The following TSHZ2 variants were observed in gnomAD, a reference collection of about 807,000 sequenced individuals.
TSHZ2 encodes the protein teashirt zinc finger homeobox 2.
Under a neutral mutation model 74.4 loss-of-function variants are expected in TSHZ2, and 21 were observed. That is an observed-to-expected ratio of 0.28 (90% CI 0.20 to 0.41). The LOEUF is 0.41. TSHZ2 is among the 10% of genes least tolerant of loss of function. The pLI, the probability that TSHZ2 is intolerant of heterozygous loss-of-function variation, is 1.00. For synonymous variants in TSHZ2, 540 were observed against 515.3 expected, an observed-to-expected ratio of 1.05 and a Z score of -0.65; for missense variants, 1,244 against 1,293.5, an observed-to-expected ratio of 0.96 and a Z score of 0.59.
At chr20:53,196,366 T>TAAAAAAAAAAAAAAA (rs34385917) in intron 1 of TSHZ2, 2 of 109,690 alleles carry the variant, frequency 1.8e-5, no homozygotes, top group African/African-American at 6.2e-5. Flanking sequence ...AATCTGCTGC[T>TAAAAAAAAAAAAAAA]AAAAAAAAAA....
At chr20:53,227,741 G>A (rs778477129) in intron 1 of TSHZ2, among the ~76,000 whole-genome samples, 71 of 152,158 alleles carry the variant, frequency 4.7e-4, no homozygotes, top group Non-Finnish European at 4.1e-4. Context: ...CCTTGCTTTC[G>A]TGGCTTGCTC....
At chr20:53,062,234 T>C (rs550924245) in intron 1 of TSHZ2, among the ~76,000 whole-genome samples, 122 of 152,314 alleles carry the variant, frequency 8.0e-4, no homozygotes, top group Non-Finnish European at 1.3e-3. Context: ...TACAGGGCTA[T>C]TATGAGGATA....
chr20:53,051,361 T>C (rs556132024), intron 1 of TSHZ2, among the ~76,000 whole-genome samples: 1 of 152,066 alleles, frequency 6.6e-6, no homozygotes, highest in South Asian at 2.1e-4. Context: ...ATTGTACCAC[T>C]TGTATTCAGA....
chr20:53,038,917 A>G (rs60200105), intron 1 of TSHZ2, among the ~76,000 whole-genome samples: 12,631 of 100,304 alleles, frequency 0.13, 714 homozygotes, highest in African/African-American at 0.28. Flanking sequence ...TGTTTTTGAG[A>G]TGGAGTTTCA....
chr20:53,102,602 C>T (rs1185345651), intron 1 of TSHZ2, among the ~76,000 whole-genome samples: 6 of 152,102 alleles, frequency 3.9e-5, no homozygotes, highest in Non-Finnish European at 2.9e-5. Context: ...AAAACTCAAA[C>T]GGTGTCCATA....
At chr20:53,422,293 G>A (rs1983503812) in intron 2 of TSHZ2, among the ~76,000 whole-genome samples, 1 of 152,054 alleles carries the variant, frequency 6.6e-6, no homozygotes, top group South Asian at 2.1e-4. Flanking sequence ...GACAGTTCTT[G>A]GAAATGAACG....
chr20:53,215,995 GTC>G (rs1989426805), intron 1 of TSHZ2, among the ~76,000 whole-genome samples: 1 of 151,978 alleles, frequency 6.6e-6, no homozygotes, highest in Admixed American at 6.6e-5. Flanking sequence ...CCAAACACCT[GTC>G]TCTGATGTCT....
At chr20:53,013,498 C>T (rs1342106984) in intron 1 of TSHZ2, among the ~76,000 whole-genome samples, 1 of 152,220 alleles carries the variant, frequency 6.6e-6, no homozygotes, top group South Asian at 2.1e-4. Flanking sequence ...CATAGGTTAA[C>T]TTAACAAATA....
intron 2 of TSHZ2, among the ~76,000 whole-genome samples, chr20:53,478,055 C>T (rs1377406077): frequency 7.0e-6 from 1 of 142,034 alleles, no homozygotes; most frequent in Non-Finnish European, 1.5e-5. Context: ...CACTTTTACA[C>T]TGTTGGTGGG....
chr20:53,095,515 G>A (rs1050489687), intron 1 of TSHZ2, among the ~76,000 whole-genome samples: 1 of 152,074 alleles, frequency 6.6e-6, no homozygotes, highest in Admixed American at 6.5e-5. Flanking sequence ...GATATTATTA[G>A]AAGCAGCATG....
At chr20:53,427,374 A>G (rs1983691905) in intron 2 of TSHZ2, among the ~76,000 whole-genome samples, 1 of 152,188 alleles carries the variant, frequency 6.6e-6, no homozygotes, top group African/African-American at 2.4e-5. Flanking sequence ...GACGCGAGGT[A>G]TGATTTCAGT....
intron 1 of TSHZ2, among the ~76,000 whole-genome samples, chr20:53,088,280 G>A (rs1025171727): frequency 1.3e-5 from 2 of 152,206 alleles, no homozygotes; most frequent in African/African-American, 4.8e-5. Flanking sequence ...AAAGTGAACA[G>A]AATGTACACA....
intron 2 of TSHZ2, among the ~76,000 whole-genome samples, chr20:53,381,368 A>G (rs928844753): frequency 1.1e-4 from 16 of 152,270 alleles, no homozygotes; most frequent in African/African-American, 3.6e-4. Flanking sequence ...CTCTAATATC[A>G]TTTGCTGGAA....
At chr20:53,319,301 G>A (rs1363942037) in intron 2 of TSHZ2, among the ~76,000 whole-genome samples, 1 of 152,204 alleles carries the variant, frequency 6.6e-6, no homozygotes, top group Non-Finnish European at 1.5e-5. Flanking sequence ...AAATATTAGT[G>A]CTTACTACAG....
intron 1 of TSHZ2, among the ~76,000 whole-genome samples, chr20:53,179,773 T>G (rs1988427368): frequency 6.6e-6 from 1 of 152,200 alleles, no homozygotes; most frequent in Non-Finnish European, 1.5e-5. Flanking sequence ...TTTTATAAAA[T>G]TTAAGTTCAA....
chr20:53,271,832 G>A (rs1383323616), intron 2 of TSHZ2, among the ~76,000 whole-genome samples: 5 of 152,216 alleles, frequency 3.3e-5, no homozygotes, highest in Admixed American at 1.3e-4. Context: ...ATGGCAGAGA[G>A]AGGAGGCTGA....
chr20:53,201,383 C>T (rs559816288), intron 1 of TSHZ2, among the ~76,000 whole-genome samples: 29 of 152,212 alleles, frequency 1.9e-4, no homozygotes, highest in Admixed American at 1.4e-3. Flanking sequence ...CTGCATTCTT[C>T]GGCTCAGGGC....
At chr20:52,977,492 A>G (rs1050630326) in intron 1 of TSHZ2, among the ~76,000 whole-genome samples, 31 of 151,454 alleles carry the variant, frequency 2.0e-4, no homozygotes, top group African/African-American at 6.1e-4. Flanking sequence ...TAAAGTCCAA[A>G]GGGTCTTAGC....
chr20:53,269,361 G>A (rs1990783272), intron 2 of TSHZ2, among the ~76,000 whole-genome samples: 1 of 152,108 alleles, frequency 6.6e-6, no homozygotes, highest in Non-Finnish European at 1.5e-5. Context: ...GGAGGGGTGG[G>A]GGGGATAAAA....
Sources: gnomAD v4.1 joint callset for allele counts (sites outside exome capture counted in the v4.1 genomes callset) on GRCh38, gnomAD v4.1.1 for gene constraint, MANE v1.5 for transcripts, NCBI Gene and HGNC (gene_info 2026-07-23, HGNC 2026-07-21) for gene names.